The following NOC2L variants were observed in gnomAD, a reference collection of about 807,000 sequenced individuals.
NOC2L encodes the protein NOC2 like nucleolar associated transcriptional repressor.
Under a neutral mutation model 94.2 loss-of-function variants are expected in NOC2L, and 101 were observed. That is an observed-to-expected ratio of 1.07 (90% CI 0.91 to 1.26). The LOEUF (loss-of-function observed/expected upper bound fraction) is 1.26, where lower values mean the gene tolerates loss of function less well. NOC2L is among the 50% of genes most tolerant of loss of function. The probability of loss-of-function intolerance (pLI) is 0.00; values close to 1 mark genes in which losing one functional copy is unlikely to be tolerated. For synonymous variants in NOC2L, 531 were observed against 413.4 expected (o/e 1.28, Z -3.45); for missense variants, 1,076 against 980.1 (o/e 1.10, Z -1.31).
rs528505070 is a variant in NOC2L, at chr1:944,691, G to A, written c.*3C>T. The A allele has an allele frequency of 3.2e-5, 50 of 1,584,600 alleles. No individual in the cohort carries two copies. In the Admixed American group the frequency reaches 4.9e-4, roughly 15 times the overall value. On this transcript the variant is annotated 3_prime_UTR_variant, in exon 19 of 19. Coordinates refer to ENST00000327044, the MANE Select transcript of NOC2L (RefSeq NM_015658.4). ...CCCCTACAGGCCCCCCAGATGGGCTGCCTCAGTCGTCCTCTGAGAGCTGCA... is the reference window on the plus strand; with the variant it reads ...CCCCTACAGGCCCCCCAGATGGGCTACCTCAGTCGTCCTCTGAGAGCTGCA...
At chr1:951,329 C>A (rs535574648) in intron 11 of NOC2L, 91 bp from the exon 12 acceptor site, 5 of 959,468 alleles carry the variant, frequency 5.2e-6, no homozygotes, top group South Asian at 2.8e-5. Flanking sequence ...CCCCACTCAC[C>A]GACATCAGAC....
chr1:947,261 G>A (rs1473479531), intron 14 of NOC2L, among the ~76,000 whole-genome samples: 3 of 152,144 alleles, frequency 2.0e-5, no homozygotes, highest in Non-Finnish European at 2.9e-5. Flanking sequence ...ATGCCCCAAT[G>A]CCAGGTATCA....
At chr1:950,183 T>C (rs962677385) in intron 12 of NOC2L, among the ~76,000 whole-genome samples, 6 of 145,552 alleles carry the variant, frequency 4.1e-5, no homozygotes, top group African/African-American at 1.5e-4. Flanking sequence ...CGTGCATGCA[T>C]GCACCCAAGT....
At chr1:951,050 G>A (rs1474314477) in intron 12 of NOC2L, 77 bp downstream of exon 12, 6 of 1,177,712 alleles carry the variant, frequency 5.1e-6, no homozygotes, top group East Asian at 2.5e-5. Flanking sequence ...GGACAACTCA[G>A]CACAGACGCC....
rs1642332984 is a variant in NOC2L at position 954,001 on chromosome 1, C to T, written c.777+3G>A. 1 of 1,605,574 alleles carries T rather than the reference C, an allele frequency of 6.2e-7. No individual in the cohort carries two copies. The highest frequency in any genetic ancestry group is 1.3e-5 in the African/African-American group (1 of 74,724). On this transcript the variant is annotated splice_donor_region_variant and intron_variant, in intron 7 of 18. Transcript: ENST00000327044. ...CCCCGTGCCCTCCCCACCAGAATAG[C>T]ACCTGTATGGCCGAGCCCAGGTAAG...
chr1:945,917 C>T lies in NOC2L; in HGVS notation c.1917+256G>A, dbSNP rs558281235. 1.1e-3 allele frequency among the ~76,000 whole-genome samples: 170 copies of T among 152,356 alleles called. No homozygotes were observed. In the South Asian group the frequency reaches 0.015, roughly 13 times the overall value. On this transcript the variant is annotated intron_variant, in intron 16 of 18. Coordinates refer to ENST00000327044, the MANE Select transcript of NOC2L (RefSeq NM_015658.4). ...GGTCAGTCCAGCCACTCCACCTGCC[C>T]GGAGCCTCCAGCCCATCAGGCCTGA...
chr1:951,269 C>A (rs776092767), intron 11 of NOC2L, 31 bp from the exon 12 acceptor site: 2 of 1,509,894 alleles, frequency 1.3e-6, no homozygotes, highest in Non-Finnish European at 1.8e-6. Flanking sequence ...TGAGCAGAGG[C>A]CCCGGCTCTG....
chr1:956,454 G>A (rs963093287), intron 4 of NOC2L, among the ~76,000 whole-genome samples: 7 of 152,152 alleles, frequency 4.6e-5, no homozygotes, highest in Non-Finnish European at 8.8e-5. Context: ...TCCAGATCCT[G>A]GACTATGGCC....
rs1376198573 is a variant in NOC2L at position 946,227 on chromosome 1, G to A, written c.1863C>T (p.His621=). 1 of 1,613,850 alleles carries A rather than the reference G, an allele frequency of 6.2e-7. No homozygotes were observed. The highest frequency in any genetic ancestry group is 1.1e-5 in the South Asian group (1 of 91,082). ...EGTPLTLYYS[H]WRKLRDREIQ... is the part of the protein sequence containing the mutation. ...TCTCCCGGTCACGCAGCTTGCGCCA[G>A]TGGCTGTAGTACAAGGTCAGGGGTG... is the stretch of plus-strand genomic sequence containing the variant. The change falls in exon 16 of 19, where the codon CAC becomes CAT. Residue 621 remains histidine, a synonymous_variant. Coordinates refer to ENST00000327044, the MANE Select transcript of NOC2L (RefSeq NM_015658.4).
At chr1:951,889 GAC>G (rs1642269595) in intron 11 of NOC2L, 109 bp downstream of exon 11, 2 of 1,248,466 alleles carry the variant, frequency 1.6e-6, no homozygotes, top group East Asian at 2.4e-5. Flanking sequence ...GGACGGCCAG[GAC>G]ACAGACTCAG....
chr1:959,000 T>C lies in NOC2L; in HGVS notation c.108A>G (p.Pro36=), dbSNP rs765892124. The C allele has an allele frequency of 6.2e-6, 10 of 1,612,668 alleles. No individual in the cohort carries two copies. Among genetic ancestry groups the C allele is most frequent in the Non-Finnish European group, 8.5e-6 (10 of 1,179,920 alleles). ...CGCGTGCTTCCCGTGTCTCCGCTTGTGGAGAATTTTCGGACTCGGATTCGG... is the reference window on the plus strand; with the variant it reads ...CGCGTGCTTCCCGTGTCTCCGCTTGCGGAGAATTTTCGGACTCGGATTCGG... The part of the protein sequence containing the change: ...SESESESENS[P]QAETREAREA... Residue 36 remains proline (P), a synonymous_variant, in exon 2 of 19, where the codon CCA becomes CCG. Coordinates refer to ENST00000327044, the MANE Select transcript of NOC2L (RefSeq NM_015658.4).
intron 16 of NOC2L, 78 bp from the exon 17 acceptor site, chr1:945,731 AC>A: frequency 6.3e-7 from 1 of 1,585,542 alleles, no homozygotes; most frequent in Non-Finnish European, 8.6e-7. Context: ...GCATCGCCAG[AC>A]CCACCACCAG....
Position 948,606 on chromosome 1 carries a change from GC to G in NOC2L, c.1444-4del. ...TTGAAGTCGACCTGCTGGAACATCT[GC>G]CCCAAGGGCCGTGTCAGGCTCTCTC... On this transcript the variant is annotated splice_polypyrimidine_tract_variant and splice_region_variant and intron_variant, in intron 12 of 18. Coordinates refer to ENST00000327044, the MANE Select transcript of NOC2L (RefSeq NM_015658.4). 7.6e-7 allele frequency: 1 copy of G among 1,317,990 alleles called. No homozygotes were observed. The highest frequency in any genetic ancestry group is 9.9e-7 in the Non-Finnish European group (1 of 1,009,070). The allele number at this position is 1,317,990 out of a possible 1,614,324, so 81.6% of individuals were successfully genotyped here. A position where few individuals can be genotyped will look rare whatever the true frequency, so the allele number is the denominator to read the frequency against.
Position 944,263 on chromosome 1 carries a change from AAATTTT to A in NOC2L, c.*425_*430del. 1 of 1,454,000 alleles carries A rather than the reference AAATTTT, an allele frequency of 6.9e-7. No homozygotes were observed. The highest frequency in any genetic ancestry group is 9.0e-7 in the Non-Finnish European group (1 of 1,105,270). The allele number at this position is 1,454,000 out of a possible 1,614,324, so 90.1% of individuals were successfully genotyped here. ...CTTTCGGTTTCGGATGCAAAACAAA[AAATTTT>A]AAAAGAAAATGTGACTTCAAAGGAA... On this transcript the variant is annotated 3_prime_UTR_variant, in exon 19 of 19. Coordinates refer to ENST00000327044, the MANE Select transcript of NOC2L (RefSeq NM_015658.4).
chr1:952,888 C>T (rs897489436), intron 9 of NOC2L, among the ~76,000 whole-genome samples: 1 of 152,168 alleles, frequency 6.6e-6, no homozygotes, highest in Non-Finnish European at 1.5e-5. Context: ...CTGGCCATGG[C>T]CTCAGGTCCC....
intron 12 of NOC2L, among the ~76,000 whole-genome samples, chr1:950,219 C>T (rs563035905): frequency 2.2e-4 from 33 of 152,104 alleles, no homozygotes; most frequent in Admixed American, 1.3e-3. Flanking sequence ...CAGGTACACA[C>T]GCACAGTACA....
chr1:956,939 A>T lies in NOC2L; in HGVS notation c.441T>A (p.Val147=). ...PRGLKGKKNS[V]PVTVAMVERW... is the part of the protein sequence containing the mutation. The stretch of plus-strand genomic sequence containing the variant: ...TCTCAACCATGGCGACGGTCACAGG[A>T]ACAGAATTCTTCTTCCCCTTCAGCC... Residue 147 remains valine, a synonymous_variant, in exon 4 of 19, where the codon GTT becomes GTA. Transcript: ENST00000327044. 1 of 1,614,034 alleles carries T rather than the reference A, an allele frequency of 6.2e-7. No individual in the cohort carries two copies. The highest frequency in any genetic ancestry group is 8.5e-7 in the Non-Finnish European group (1 of 1,180,032).
rs1318885389 is a variant in NOC2L, at chr1:945,314, CAG to C, written c.2054-170_2054-169del. 3.4e-5 allele frequency: 33 copies of C among 981,106 alleles called. No individual in the cohort carries two copies. In the East Asian group the frequency reaches 3.7e-4, roughly 11 times the overall value. The allele number at this position is 981,106 out of a possible 1,614,324, so 60.8% of individuals were successfully genotyped here. A position where few individuals can be genotyped will look rare whatever the true frequency, so the allele number is the denominator to read the frequency against. ...AACTGGGAGGTCACAGGCCTGGGGACAGAGTTACCAATCCCAGTAGGCCTTCA... is the reference window on the plus strand; with the variant it reads ...AACTGGGAGGTCACAGGCCTGGGGACAGTTACCAATCCCAGTAGGCCTTCA... On this transcript the variant is annotated intron_variant, in intron 17 of 18. Transcript: ENST00000327044.
At chr1:951,085 G>C (rs1459942281) in intron 12 of NOC2L, 42 bp downstream of exon 12, 4 of 1,437,092 alleles carry the variant, frequency 2.8e-6, no homozygotes, top group Non-Finnish European at 3.8e-6. Flanking sequence ...CTCCCTACAG[G>C]AGCAGGCAGA....
Sources: allele counts gnomAD v4.1 joint callset (sites outside exome capture counted in the v4.1 genomes callset), GRCh38; gene constraint gnomAD v4.1.1; transcripts MANE v1.5; gene names NCBI Gene and HGNC (gene_info 2026-07-23, HGNC 2026-07-21).